Variants in CCDC158 observed in about 807,000 individuals in gnomAD.
CCDC158 encodes coiled-coil domain containing 158.
In CCDC158, 116 loss-of-function variants were observed where a neutral mutation model predicts 138.6. The observed-to-expected ratio is 0.84, with a 90% CI of 0.72 to 0.98. The LOEUF (loss-of-function observed/expected upper bound fraction) is 0.98, where lower values mean the gene tolerates loss of function less well. CCDC158 is among the 50% of genes least tolerant of loss of function. The probability of loss-of-function intolerance (pLI) is 0.00; values close to 1 mark genes in which losing one functional copy is unlikely to be tolerated. For missense variants in CCDC158, 1,265 were observed against 1,306.1 expected (o/e 0.97, Z 0.48); for synonymous variants, 436 against 442.4 (o/e 0.99, Z 0.18).
chr4:76,418,593 G>C (rs1008857886), intron 1 of CCDC158, among the ~76,000 whole-genome samples: 1 of 152,210 alleles, frequency 6.6e-6, no homozygotes, highest in African/African-American at 2.4e-5. Context: ...CATGGAGGAA[G>C]AGCAAGGGAA....
chr4:76,353,013 C>T (rs1723196027), intron 16 of CCDC158, 110 bp downstream of exon 16: 7 of 844,376 alleles, frequency 8.3e-6, no homozygotes. Context: ...GGATACAACA[C>T]AAATTGATAC....
chr4:76,418,942 C>T (rs1024628149), intron 1 of CCDC158, among the ~76,000 whole-genome samples: 1 of 152,110 alleles, frequency 6.6e-6, no homozygotes, highest in Non-Finnish European at 1.5e-5. Context: ...AGATGACTAG[C>T]GGTTGCTTTT....
chr4:76,334,144 C>T lies in CCDC158; in HGVS notation c.2688G>A (p.Leu896=). The T allele has an allele frequency of 6.2e-7, 1 of 1,611,842 alleles. No individual in the cohort carries two copies. The stretch of plus-strand genomic sequence containing the variant: ...TCAGGTCCCTTGTTGGATCTTCCTT[C>T]AGTGTGTTAGCTTTTGTAGAGTGCT... ...LSHHSTKANT[L]KEDPTRDLKQ... is the part of the protein sequence containing the mutation. Residue 896 remains leucine (L), a synonymous_variant, in exon 19 of 25, where the codon CTG becomes CTA. Coordinates refer to ENST00000682701, the MANE Select transcript of CCDC158 (RefSeq NM_001394954.1).
In CCDC158 at chr4:76,383,692, ATTTTGTTCTG is replaced by A; in HGVS notation, c.763_772del (p.Gln255Ter). 3 of 1,613,664 alleles carry A rather than the reference ATTTTGTTCTG, an allele frequency of 1.9e-6. No homozygotes were observed. Among genetic ancestry groups the A allele is most frequent in the Non-Finnish European group, 2.5e-6 (3 of 1,179,648 alleles). ...TTGGTGTTGTTGCAGAAGTAGTTCT[ATTTTGTTCTG>A]TGATTCAGATTTCAGTGCTTCAAGT... On this transcript the variant is annotated frameshift_variant, in exon 7 of 25. Coordinates refer to ENST00000682701, the MANE Select transcript of CCDC158 (RefSeq NM_001394954.1). LOFTEE classifies it high-confidence loss of function.
rs79404153 is a variant in CCDC158, at chr4:76,315,100, G to C, written c.3278-1854C>G. Among the ~76,000 whole-genome samples the C allele has an allele frequency of 7.5e-4, 115 of 152,322 alleles. 1 individual carries two copies. The East Asian group carries it at 0.02, about 27-fold the overall frequency. On this transcript the variant is annotated intron_variant, in intron 24 of 24. Coordinates refer to ENST00000682701, the MANE Select transcript of CCDC158 (RefSeq NM_001394954.1). ...CTGGCGCTGTTAGCAGGGCATGGTG[G>C]GAGCAAGATTGGCCTTGCCAACTGT...
chr4:76,408,456 G>A (rs1729018939), intron 2 of CCDC158, among the ~76,000 whole-genome samples: 1 of 151,914 alleles, frequency 6.6e-6, no homozygotes, highest in Non-Finnish European at 1.5e-5. Flanking sequence ...TTGTCCTTGT[G>A]ATAGTTTGCT....
Position 76,403,243 on chromosome 4 carries a change from G to A in CCDC158, c.-36C>T, listed in dbSNP as rs777723602. 7 of 1,402,604 alleles carry A rather than the reference G, an allele frequency of 5.0e-6. No individual in the cohort carries two copies. The African/African-American group carries it at 7.2e-5, about 14-fold the overall frequency. 86.9% of individuals were successfully genotyped at this position (1,402,604 alleles called of 1,614,324 possible). On this transcript the variant is annotated 5_prime_UTR_variant, in exon 3 of 25. Transcript: ENST00000682701. ...GCTACTTCTTATTAGAGATCTTGAA[G>A]TATGAATGGTTCCCTCTTTGGTTCT...
rs541224515 is a variant in CCDC158 at position 76,333,882 on chromosome 4, T to C, written c.2822+128A>G. The C allele has an allele frequency of 5.5e-4, 303 of 553,736 alleles. 1 individual carries two copies. In the East Asian group the frequency reaches 8.8e-3, roughly 16 times the overall value. The allele number at this position is 553,736 out of a possible 1,614,324, so 34.3% of individuals were successfully genotyped here. A position where few individuals can be genotyped will look rare whatever the true frequency, so the allele number is the denominator to read the frequency against. On this transcript the variant is annotated intron_variant, in intron 19 of 24. Coordinates refer to ENST00000682701, the MANE Select transcript of CCDC158 (RefSeq NM_001394954.1). ...ACTCCTCCATTTTCATATTATTTTC[T>C]GTGGTAGTAACTTCAGATACTTTTA...
chr4:76,313,335 A>G, intron 24 of CCDC158, 89 bp from the exon 25 acceptor site: 1 of 718,538 alleles, frequency 1.4e-6, no homozygotes. Flanking sequence ...GCTTGATAGT[A>G]TAGAATAGAC....
At chr4:76,323,538 A>T (rs1720241901) in intron 23 of CCDC158, 129 bp from the exon 24 acceptor site, 1 of 642,826 alleles carries the variant, frequency 1.6e-6, no homozygotes, top group Non-Finnish European at 2.6e-6. Flanking sequence ...AAATTCTAAA[A>T]GAGCTATAAC....
chr4:76,364,378 C>T (rs1277082717), intron 12 of CCDC158, among the ~76,000 whole-genome samples: 3 of 150,768 alleles, frequency 2.0e-5, no homozygotes, highest in Non-Finnish European at 3.0e-5. Flanking sequence ...AGGTCTGTGT[C>T]GTCTAACACA....
intron 11 of CCDC158, among the ~76,000 whole-genome samples, chr4:76,369,140 G>A (rs559488762): frequency 2.0e-5 from 3 of 152,202 alleles, no homozygotes; most frequent in East Asian, 3.9e-4. Flanking sequence ...GCTTGAATCC[G>A]GGAGGTGGAG....
chr4:76,407,541 G>T (rs1728929063), intron 2 of CCDC158, among the ~76,000 whole-genome samples: 1 of 152,120 alleles, frequency 6.6e-6, no homozygotes, highest in Non-Finnish European at 1.5e-5. Flanking sequence ...GTTTCATTGT[G>T]AATGTTTGTT....
intron 1 of CCDC158, among the ~76,000 whole-genome samples, chr4:76,415,016 C>T (rs1157206912): frequency 6.6e-6 from 1 of 152,122 alleles, no homozygotes; most frequent in Non-Finnish European, 1.5e-5. Context: ...AAAATGTGAA[C>T]TTCCTAGAGA....
chr4:76,332,588 C>G, intron 19 of CCDC158, 97 bp from the exon 20 acceptor site: 1 of 929,770 alleles, frequency 1.1e-6, no homozygotes, highest in South Asian at 1.8e-5. Flanking sequence ...TTCAATTTTT[C>G]TTTTAGTGAC....
intron 24 of CCDC158, among the ~76,000 whole-genome samples, chr4:76,322,218 A>T (rs1167529406): frequency 1.1e-4 from 16 of 152,174 alleles, no homozygotes; most frequent in Middle Eastern, 3.2e-3. Flanking sequence ...GTTCATATAC[A>T]TAGGGGTCTT....
intron 18 of CCDC158, among the ~76,000 whole-genome samples, chr4:76,337,868 C>T (rs1343276491): frequency 6.6e-6 from 1 of 152,192 alleles, no homozygotes; most frequent in Non-Finnish European, 1.5e-5. Context: ...ATCCTGCTCT[C>T]CCCTACCCCA....
At chr4:76,329,519 G>A (rs1013874321) in intron 21 of CCDC158, among the ~76,000 whole-genome samples, 5 of 152,320 alleles carry the variant, frequency 3.3e-5, no homozygotes, top group African/African-American at 1.2e-4. Context: ...AGGAGGCAGA[G>A]CTTGCAGTGA....
At chr4:76,414,604 C>A (rs778854766) in intron 1 of CCDC158, among the ~76,000 whole-genome samples, 3 of 152,196 alleles carry the variant, frequency 2.0e-5, no homozygotes, top group Non-Finnish European at 1.5e-5. Flanking sequence ...AGAATTCCCA[C>A]GTGTGTGGGA....
Sources: allele counts gnomAD v4.1 joint callset (sites outside exome capture counted in the v4.1 genomes callset), GRCh38; gene constraint gnomAD v4.1.1; transcripts MANE v1.5; gene names NCBI Gene and HGNC (gene_info 2026-07-23, HGNC 2026-07-21).